The following EHBP1 variants were observed in gnomAD, a reference collection of about 807,000 sequenced individuals.
EHBP1 encodes the protein EH domain-binding protein 1.
A neutral mutation model predicts 144.0 loss-of-function variants in EHBP1; 55 were observed. The ratio of observed to expected loss-of-function variants is 0.38; its 90% CI spans 0.31 to 0.48. The LOEUF (loss-of-function observed/expected upper bound fraction) is 0.48, where lower values mean the gene tolerates loss of function less well. Ranked by LOEUF, EHBP1 falls within the 20% of genes least tolerant of loss-of-function variation. EHBP1 has a pLI of 0.98. For missense variants in EHBP1, 1,200 were observed against 1,364.2 expected, an observed-to-expected ratio of 0.88 and a Z score of 1.90; for synonymous variants, 469 against 472.7, an observed-to-expected ratio of 0.99 and a Z score of 0.10.
At chr2:62,753,590 AGAGT>A (rs1245588577) in intron 3 of EHBP1, among the ~76,000 whole-genome samples, 1 of 152,054 alleles carries the variant, frequency 6.6e-6, no homozygotes, top group African/African-American at 2.4e-5. Context: ...AATATCCTGG[AGAGT>A]GTTTTCCAAC....
rs983827000 is a variant in EHBP1, at chr2:62,690,493, G to T, written c.-295-16404G>T. Among the ~76,000 whole-genome samples, 11 of 152,180 alleles carry T rather than the reference G, an allele frequency of 7.2e-5. No homozygotes were observed. In the South Asian group the frequency reaches 2.3e-3, roughly 32 times the overall value. ...AGGGAGAATTGCTTGAACCCAGGAG[G>T]TGGAGGTTGCAGTGAGCCGAGATCA... On this transcript the variant is annotated intron_variant, in intron 1 of 22. Transcript: ENST00000405015.
intron 10 of EHBP1, among the ~76,000 whole-genome samples, chr2:62,916,249 GAACCAGA>G (rs1419157256): frequency 6.6e-6 from 1 of 151,986 alleles, no homozygotes; most frequent in African/African-American, 2.4e-5. Context: ...ATAACTTTCT[GAACCAGA>G]AGAAGCAAAA....
chr2:62,779,064 G>A (rs2042244479), intron 5 of EHBP1, among the ~76,000 whole-genome samples: 1 of 152,074 alleles, frequency 6.6e-6, no homozygotes, highest in Non-Finnish European at 1.5e-5. Flanking sequence ...ATACCACATC[G>A]CAAACATTAG....
At chr2:62,806,551 AG>A (rs2044498658) in intron 5 of EHBP1, among the ~76,000 whole-genome samples, 1 of 151,388 alleles carries the variant, frequency 6.6e-6, no homozygotes, top group African/African-American at 2.4e-5. Flanking sequence ...TTTCATAGAG[AG>A]GGTATCTCTG....
chr2:62,712,233 G>A (rs929599633), intron 2 of EHBP1, among the ~76,000 whole-genome samples: 1 of 152,172 alleles, frequency 6.6e-6, no homozygotes, highest in African/African-American at 2.4e-5. Context: ...GGGAGAAGCA[G>A]GGTACATGGG....
At chr2:62,956,904 A>C (rs2057731266) in intron 14 of EHBP1, among the ~76,000 whole-genome samples, 1 of 152,114 alleles carries the variant, frequency 6.6e-6, no homozygotes, top group South Asian at 2.1e-4. Context: ...TGGTCTCTCT[A>C]CTTCTCTAGT....
intron 7 of EHBP1, among the ~76,000 whole-genome samples, chr2:62,857,364 T>A (rs2049142917): frequency 6.6e-6 from 1 of 152,216 alleles, no homozygotes; most frequent in Admixed American, 6.5e-5. Flanking sequence ...GTCCGAAGAA[T>A]AGGTCTTGGC....
intron 14 of EHBP1, among the ~76,000 whole-genome samples, chr2:62,976,504 C>T (rs781458707): frequency 1.3e-5 from 2 of 152,202 alleles, no homozygotes; most frequent in Non-Finnish European, 2.9e-5. Flanking sequence ...TCATTAACCT[C>T]TAACTTGGCT....
intron 10 of EHBP1, among the ~76,000 whole-genome samples, chr2:62,941,952 A>G (rs950869572): frequency 4.6e-5 from 7 of 152,122 alleles, no homozygotes; most frequent in East Asian, 1.9e-4. Flanking sequence ...TTGTTAATAT[A>G]TAATCTTAGG....
intron 5 of EHBP1, among the ~76,000 whole-genome samples, chr2:62,820,225 GAA>G (rs372533264): frequency 9.9e-6 from 1 of 100,664 alleles, no homozygotes; most frequent in Non-Finnish European, 2.0e-5. Context: ...AAAAAAAAAA[GAA>G]AAAAAAAAAA....
At chr2:62,684,680 A>C (rs563143672) in intron 1 of EHBP1, among the ~76,000 whole-genome samples, 13 of 152,366 alleles carry the variant, frequency 8.5e-5, no homozygotes, top group Admixed American at 5.2e-4. Flanking sequence ...TTTCATGCTA[A>C]AAAATATTAA....
At chr2:62,830,288 A>T (rs2046737573) in intron 6 of EHBP1, among the ~76,000 whole-genome samples, 1 of 151,626 alleles carries the variant, frequency 6.6e-6, no homozygotes. Flanking sequence ...GGCGCATGCC[A>T]CCACGCCCGG....
intron 7 of EHBP1, among the ~76,000 whole-genome samples, chr2:62,837,514 T>C (rs1184370959): frequency 2.0e-5 from 3 of 152,010 alleles, no homozygotes; most frequent in Non-Finnish European, 4.4e-5. Context: ...ATACATGGAC[T>C]AAATGCTCCA....
intron 12 of EHBP1, among the ~76,000 whole-genome samples, chr2:62,945,819 A>G (rs756183752): frequency 2.2e-4 from 33 of 152,218 alleles, no homozygotes; most frequent in Non-Finnish European, 4.6e-4. Flanking sequence ...GTAGAGCAAT[A>G]AAAACCTGGC....
At chr2:62,894,079 A>G (rs1267726907) in intron 10 of EHBP1, among the ~76,000 whole-genome samples, 8 of 151,794 alleles carry the variant, frequency 5.3e-5, no homozygotes, top group African/African-American at 1.9e-4. Flanking sequence ...ACACAAAGAC[A>G]TCTGGGACAT....
chr2:62,994,188 A>G (rs1022212166), intron 18 of EHBP1: 3 of 317,752 alleles, frequency 9.4e-6, no homozygotes, highest in Admixed American at 4.5e-5. Context: ...TCAGAGTTCC[A>G]CAGCCCCAGT....
chr2:62,678,998 C>T (rs2033412977), intron 1 of EHBP1, among the ~76,000 whole-genome samples: 1 of 152,070 alleles, frequency 6.6e-6, no homozygotes, highest in Non-Finnish European at 1.5e-5. Context: ...AATTTTAATA[C>T]AGAGAACCCT....
At chr2:62,682,913 G>A (rs542237995) in intron 1 of EHBP1, among the ~76,000 whole-genome samples, 1 of 152,258 alleles carries the variant, frequency 6.6e-6, no homozygotes, top group South Asian at 2.1e-4. Context: ...GGCTAAACAT[G>A]TAAATTTAAT....
chr2:62,750,149 T>C (rs1345563483), intron 3 of EHBP1, among the ~76,000 whole-genome samples: 1 of 152,210 alleles, frequency 6.6e-6, no homozygotes, highest in Non-Finnish European at 1.5e-5. Context: ...CCATCTTGAA[T>C]TAATTTTTAT....
Sources: allele counts gnomAD v4.1 joint callset (sites outside exome capture counted in the v4.1 genomes callset), GRCh38; gene constraint gnomAD v4.1.1; transcripts MANE v1.5; gene names NCBI Gene and HGNC (gene_info 2026-07-23, HGNC 2026-07-21).